Variants in NR3C2 observed in about 807,000 individuals in gnomAD.
NR3C2 encodes the protein mineralocorticoid receptor.
A neutral mutation model predicts 86.4 loss-of-function variants in NR3C2; 15 were observed. The ratio of observed to expected loss-of-function variants is 0.17; its 90% CI spans 0.12 to 0.27. NR3C2 has a LOEUF of 0.27. NR3C2 is among the 10% of genes least tolerant of loss of function. The pLI, the probability that NR3C2 is intolerant of heterozygous loss-of-function variation, is 1.00. For missense variants in NR3C2, 960 were observed against 1,195.6 expected (o/e 0.80, Z 2.91); for synonymous variants, 458 against 450.5 (o/e 1.02, Z -0.21).
At chr4:148,149,349 CT>C (rs148646466) in intron 6 of NR3C2, among the ~76,000 whole-genome samples, 3,624 of 151,396 alleles carry the variant, frequency 0.024, 135 homozygotes, top group African/African-American at 0.08. Flanking sequence ...ATGACCTTTT[CT>C]TTTTTTTTGT....
chr4:148,248,310 T>C (rs1229310156), intron 3 of NR3C2, among the ~76,000 whole-genome samples: 2 of 152,330 alleles, frequency 1.3e-5, no homozygotes, highest in African/African-American at 2.4e-5. Context: ...TTAAAACTTA[T>C]GTAATCTTAG....
At chr4:148,147,230 G>A (rs1733912791) in intron 6 of NR3C2, among the ~76,000 whole-genome samples, 1 of 152,124 alleles carries the variant, frequency 6.6e-6, no homozygotes, top group African/African-American at 2.4e-5. Context: ...TCCATCTCCA[G>A]TGATGCTAAT....
intron 2 of NR3C2, among the ~76,000 whole-genome samples, chr4:148,280,355 A>G: frequency 6.6e-6 from 1 of 152,216 alleles, no homozygotes; most frequent in African/African-American, 2.4e-5. Flanking sequence ...ATTCACCTAG[A>G]TGGGTTAACA....
chr4:148,408,113 C>T (rs1276760512), intron 2 of NR3C2, among the ~76,000 whole-genome samples: 1 of 152,074 alleles, frequency 6.6e-6, no homozygotes, highest in Non-Finnish European at 1.5e-5. Flanking sequence ...GAATCAATAC[C>T]CTTAGCTACA....
At chr4:148,241,475 G>A (rs1332265412) in intron 3 of NR3C2, among the ~76,000 whole-genome samples, 4 of 151,596 alleles carry the variant, frequency 2.6e-5, no homozygotes, top group African/African-American at 9.7e-5. Flanking sequence ...CTTTTTCTTT[G>A]GCATTCTAGC....
chr4:148,246,093 TA>T (rs1739300596), intron 3 of NR3C2, among the ~76,000 whole-genome samples: 1 of 150,668 alleles, frequency 6.6e-6, no homozygotes, highest in Non-Finnish European at 1.5e-5. Flanking sequence ...TCAGATGCTA[TA>T]ACAACAACAA....
At chr4:148,305,881 C>A (rs145410014) in intron 2 of NR3C2, among the ~76,000 whole-genome samples, 26 of 152,308 alleles carry the variant, frequency 1.7e-4, no homozygotes, top group African/African-American at 6.0e-4. Context: ...GCTGTTCCAG[C>A]TGCATTTACT....
At chr4:148,083,333 G>T (rs1213381889) in intron 8 of NR3C2, among the ~76,000 whole-genome samples, 6 of 152,164 alleles carry the variant, frequency 3.9e-5, no homozygotes, top group African/African-American at 7.2e-5. Flanking sequence ...GTGCCCCATT[G>T]GGACAAAGCC....
intron 6 of NR3C2, among the ~76,000 whole-genome samples, chr4:148,121,093 T>C (rs1218844344): frequency 6.6e-6 from 1 of 152,244 alleles, no homozygotes; most frequent in Admixed American, 6.5e-5. Context: ...GGATAACTAC[T>C]GGTTCATGGT....
intron 3 of NR3C2, among the ~76,000 whole-genome samples, chr4:148,198,876 C>T (rs545471118): frequency 3.3e-5 from 5 of 151,338 alleles, no homozygotes; most frequent in East Asian, 2.0e-4. Flanking sequence ...ATCAGGTGAT[C>T]GAGACTATCC....
intron 2 of NR3C2, among the ~76,000 whole-genome samples, chr4:148,341,260 G>A (rs62333587): frequency 6.6e-6 from 1 of 152,188 alleles, no homozygotes; most frequent in African/African-American, 2.4e-5. Flanking sequence ...ACTAACAGTG[G>A]AATATTATTC....
chr4:148,386,824 C>T (rs1029142921), intron 2 of NR3C2, among the ~76,000 whole-genome samples: 4 of 152,146 alleles, frequency 2.6e-5, no homozygotes, highest in African/African-American at 9.7e-5. Flanking sequence ...TTGTCTTGCT[C>T]TTAAATCAGT....
chr4:148,151,425 G>C (rs1734097933), intron 6 of NR3C2, among the ~76,000 whole-genome samples: 1 of 152,118 alleles, frequency 6.6e-6, no homozygotes. Context: ...CATGCTTTTG[G>C]TGAACACTGA....
At chr4:148,278,945 C>T (rs1741098919) in intron 2 of NR3C2, among the ~76,000 whole-genome samples, 3 of 151,756 alleles carry the variant, frequency 2.0e-5, no homozygotes, top group Admixed American at 6.6e-5. Flanking sequence ...GGTAGATCAC[C>T]TGAGGTCAGG....
At chr4:148,422,454 A>G (rs1749329620) in intron 2 of NR3C2, among the ~76,000 whole-genome samples, 1 of 152,208 alleles carries the variant, frequency 6.6e-6, no homozygotes, top group African/African-American at 2.4e-5. Context: ...AAACTAAAGA[A>G]TATCTACTCC....
intron 2 of NR3C2, among the ~76,000 whole-genome samples, chr4:148,339,635 A>G (rs1207680324): frequency 1.3e-5 from 2 of 152,164 alleles, no homozygotes; most frequent in Non-Finnish European, 2.9e-5. Flanking sequence ...CTCAGATACA[A>G]CGTCTATAAA....
intron 2 of NR3C2, among the ~76,000 whole-genome samples, chr4:148,392,237 GA>G (rs1379666761): frequency 2.0e-5 from 3 of 152,168 alleles, no homozygotes; most frequent in African/African-American, 7.2e-5. Flanking sequence ...ACCATGAGTA[GA>G]AATTCTAAAG....
intron 2 of NR3C2, among the ~76,000 whole-genome samples, chr4:148,312,819 T>C (rs1362013785): frequency 6.6e-6 from 1 of 152,214 alleles, no homozygotes. Flanking sequence ...TGTTTAGTTT[T>C]GCATTTCATT....
chr4:148,156,901 A>G, intron 4 of NR3C2, among the ~76,000 whole-genome samples: 1 of 152,142 alleles, frequency 6.6e-6, no homozygotes. Flanking sequence ...ACTTGGAACC[A>G]ACCCAAATGT....
Sources: allele counts gnomAD v4.1 joint callset (sites outside exome capture counted in the v4.1 genomes callset), GRCh38; gene constraint gnomAD v4.1.1; transcripts MANE v1.5; gene names NCBI Gene and HGNC (gene_info 2026-07-23, HGNC 2026-07-21).